TSPAN9: variants seen among roughly 807,000 people sequenced by gnomAD.
The protein encoded by TSPAN9 is tetraspanin-9.
A neutral mutation model predicts 31.0 loss-of-function variants in TSPAN9; 16 were observed. The ratio of observed to expected loss-of-function variants is 0.52; its 90% CI spans 0.35 to 0.78. The LOEUF (loss-of-function observed/expected upper bound fraction) is 0.78. TSPAN9 is among the 30% of genes least tolerant of loss of function. The pLI is 0.01. For synonymous variants in TSPAN9, 145 were observed against 121.6 expected, an observed-to-expected ratio of 1.19 and a Z score of -1.27; for missense variants, 272 against 312.5, an observed-to-expected ratio of 0.87 and a Z score of 0.98.
chr12:3,158,295 G>A (rs2098343326), intron 2 of TSPAN9, among the ~76,000 whole-genome samples: 1 of 152,170 alleles, frequency 6.6e-6, no homozygotes, highest in Non-Finnish European at 1.5e-5. Context: ...TGTGGATGGA[G>A]CTACCTTTCC....
chr12:3,150,357 G>A (rs2098339185), intron 2 of TSPAN9, among the ~76,000 whole-genome samples: 1 of 152,116 alleles, frequency 6.6e-6, no homozygotes, highest in Non-Finnish European at 1.5e-5. Flanking sequence ...GTTGATGGGG[G>A]GCAGGAATGG....
At chr12:3,193,652 G>C (rs12303307) in intron 2 of TSPAN9, among the ~76,000 whole-genome samples, 6 of 152,198 alleles carry the variant, frequency 3.9e-5, no homozygotes, top group Admixed American at 6.5e-5. Flanking sequence ...AATGTGTAAG[G>C]GTTCACCAGA....
intron 2 of TSPAN9, among the ~76,000 whole-genome samples, chr12:3,193,001 A>G (rs1204893525): frequency 2.0e-5 from 3 of 151,902 alleles, no homozygotes; most frequent in African/African-American, 7.3e-5. Flanking sequence ...TTTATTCCTT[A>G]TTTTTTTACA....
intron 2 of TSPAN9, among the ~76,000 whole-genome samples, chr12:3,169,498 C>T (rs1264396677): frequency 6.6e-6 from 1 of 152,196 alleles, no homozygotes; most frequent in Admixed American, 6.5e-5. Context: ...GTGTACCTGC[C>T]CTCCCTACCG....
chr12:3,199,213 C>T (rs1051229737), intron 2 of TSPAN9, among the ~76,000 whole-genome samples: 2 of 152,204 alleles, frequency 1.3e-5, no homozygotes, highest in Admixed American at 6.5e-5. Flanking sequence ...TTCTTCCATC[C>T]AGCCATCCCT....
intron 1 of TSPAN9, among the ~76,000 whole-genome samples, chr12:3,079,858 A>G (rs1210857515): frequency 6.7e-6 from 1 of 149,262 alleles, no homozygotes; most frequent in Admixed American, 6.7e-5. Context: ...GCAGCCTCCA[A>G]CTCCTGGGCT....
chr12:3,241,860 C>G (rs1177044436), intron 3 of TSPAN9, among the ~76,000 whole-genome samples: 1 of 152,012 alleles, frequency 6.6e-6, no homozygotes, highest in African/African-American at 2.4e-5. Context: ...GGCCGAAGAT[C>G]AGTGGAGGGC....
At chr12:3,112,057 G>A (rs2098319052) in intron 2 of TSPAN9, among the ~76,000 whole-genome samples, 1 of 151,592 alleles carries the variant, frequency 6.6e-6, no homozygotes. Context: ...TTTAGTCTGT[G>A]AATATTTATT....
At chr12:3,114,004 CCTGA>C (rs1444491418) in intron 2 of TSPAN9, among the ~76,000 whole-genome samples, 2 of 152,232 alleles carry the variant, frequency 1.3e-5, no homozygotes, top group Admixed American at 6.5e-5. Flanking sequence ...ATCCTCAGAC[CCTGA>C]CTGTCATCCT....
chr12:3,203,271 C>T (rs548642320), intron 3 of TSPAN9, among the ~76,000 whole-genome samples: 1 of 152,256 alleles, frequency 6.6e-6, no homozygotes, highest in East Asian at 1.9e-4. Flanking sequence ...CTGTACCCTG[C>T]ACGTTGTAGG....
chr12:3,107,278 T>C lies in TSPAN9; in HGVS notation c.-18+23559T>C, dbSNP rs1338244567. Among the ~76,000 whole-genome samples the C allele has an allele frequency of 2.6e-5, 4 of 152,174 alleles. No individual in the cohort carries two copies. Among genetic ancestry groups the C allele is most frequent in the African/African-American group, 9.7e-5 (4 of 41,428 alleles). ...GGCCAGACTGTTACTCATCCTTGAC[T>C]GTTTCTTCTGACCTCGAAATCCAGC... On this transcript the variant is annotated intron_variant, in intron 2 of 8. Transcript: ENST00000011898. The surrounding 1 kb of genome is among the most constrained non-coding windows in gnomAD (Gnocchi z 4.1).
At chr12:3,093,412 C>T (rs1253295596) in intron 2 of TSPAN9, among the ~76,000 whole-genome samples, 3 of 152,142 alleles carry the variant, frequency 2.0e-5, no homozygotes, top group Non-Finnish European at 4.4e-5. Flanking sequence ...GTCTGGTCTC[C>T]AGCTCACCCA....
At chr12:3,226,708 A>G (rs948130235) in intron 3 of TSPAN9, among the ~76,000 whole-genome samples, 10 of 5,926 alleles carry the variant, frequency 1.7e-3, no homozygotes, top group African/African-American at 5.9e-3. Context: ...GTGTGTGTGT[A>G]TGTGTATGTA....
intron 2 of TSPAN9, among the ~76,000 whole-genome samples, chr12:3,118,264 T>TTTTTTTGTTTTTTG (rs1219911988): frequency 1.0e-5 from 1 of 100,028 alleles, no homozygotes; most frequent in Non-Finnish European, 2.1e-5. Flanking sequence ...CCGTTTTTTT[T>TTTTTTTGTTTTTTG]TTTTTTTTTT....
At chr12:3,155,448 T>G (rs1022427575) in intron 2 of TSPAN9, among the ~76,000 whole-genome samples, 1 of 152,102 alleles carries the variant, frequency 6.6e-6, no homozygotes, top group African/African-American at 2.4e-5. Context: ...GACCATATCT[T>G]CCAGGCCTGG....
At chr12:3,266,516 G>T (rs781497190) in intron 3 of TSPAN9, among the ~76,000 whole-genome samples, 1 of 152,218 alleles carries the variant, frequency 6.6e-6, no homozygotes, top group Admixed American at 6.5e-5. Context: ...CCTGGGACAC[G>T]TTTGTCTGGG....
intron 2 of TSPAN9, among the ~76,000 whole-genome samples, chr12:3,186,576 G>GTGTGTGTGTA (rs386375427): frequency 5.5e-5 from 8 of 146,254 alleles, no homozygotes; most frequent in African/African-American, 2.0e-4. Context: ...GTGTGTGTGT[G>GTGTGTGTGTA]TATACACACA....
intron 1 of TSPAN9, among the ~76,000 whole-genome samples, chr12:3,079,510 G>A (rs1367407093): frequency 6.6e-6 from 1 of 152,076 alleles, no homozygotes; most frequent in African/African-American, 2.4e-5. Flanking sequence ...TGCCCAGGCT[G>A]GAGTGCGATG....
intron 4 of TSPAN9, 105 bp downstream of exon 4, chr12:3,278,717 TGA>T: frequency 2.1e-6 from 3 of 1,447,542 alleles, no homozygotes; most frequent in Non-Finnish European, 2.8e-6. Context: ...GTGTCCAACC[TGA>T]GCCCAGGGAA....
Sources: gnomAD v4.1 joint callset for allele counts (sites outside exome capture counted in the v4.1 genomes callset) on GRCh38, gnomAD v4.1.1 for gene constraint, Gnocchi (gnomAD v3.1) non-coding constraint, MANE v1.5 for transcripts, NCBI Gene and HGNC (gene_info 2026-07-23, HGNC 2026-07-21) for gene names.